Variants in SLC2A9 observed in about 807,000 individuals in gnomAD.
The protein encoded by SLC2A9 is solute carrier family 2 member 9.
In SLC2A9, 39 loss-of-function variants were observed where a neutral mutation model predicts 50.6. The ratio of observed to expected loss-of-function variants is 0.77; its 90% CI spans 0.60 to 1.01. The LOEUF (loss-of-function observed/expected upper bound fraction) is 1.01, where lower values mean the gene tolerates loss of function less well. SLC2A9 is among the 50% of genes least tolerant of loss of function. SLC2A9 has a pLI of 0.00. For missense variants in SLC2A9, 686 were observed against 677.6 expected (o/e 1.01, Z -0.14); for synonymous variants, 324 against 276.9 (o/e 1.17, Z -1.69).
At chr4:10,020,072 GT>G (rs1316478512) in intron 1 of SLC2A9, among the ~76,000 whole-genome samples, 59 of 151,062 alleles carry the variant, frequency 3.9e-4, no homozygotes, top group African/African-American at 1.4e-3. Context: ...GTGTGTGTGT[GT>G]TGTAGGCGCC....
At chr4:9,840,003 T>C (rs1577471871) in intron 10 of SLC2A9, among the ~76,000 whole-genome samples, 1 of 152,168 alleles carries the variant, frequency 6.6e-6, no homozygotes, top group Non-Finnish European at 1.5e-5. Flanking sequence ...GCACTTTACA[T>C]ATATTATCTT....
chr4:10,032,499 G>T (rs963409205), intron 1 of SLC2A9, among the ~76,000 whole-genome samples: 1 of 152,096 alleles, frequency 6.6e-6, no homozygotes, highest in Non-Finnish European at 1.5e-5. Context: ...GATCAGGGGA[G>T]CTCTTTACAA....
At chr4:10,018,846 A>T in intron 2 of SLC2A9, 129 bp downstream of exon 2, 1 of 844,928 alleles carries the variant, frequency 1.2e-6, no homozygotes, top group East Asian at 2.7e-5. Context: ...AGTGGGGGCT[A>T]ATCTCTGTCC....
At chr4:10,033,898 T>C (rs190876865) in intron 1 of SLC2A9, among the ~76,000 whole-genome samples, 3 of 152,352 alleles carry the variant, frequency 2.0e-5, no homozygotes, top group East Asian at 1.9e-4. Context: ...CCAGGGCTAA[T>C]GTCATCCCAA....
intron 3 of SLC2A9, among the ~76,000 whole-genome samples, chr4:9,994,862 T>C (rs1303263674): frequency 6.6e-6 from 1 of 150,852 alleles, no homozygotes; most frequent in Non-Finnish European, 1.5e-5. Flanking sequence ...TCCTGGGGCA[T>C]GGGGAGTGAC....
chr4:9,865,405 C>T (rs1560209277), intron 10 of SLC2A9, among the ~76,000 whole-genome samples: 1 of 152,216 alleles, frequency 6.6e-6, no homozygotes, highest in Admixed American at 6.5e-5. Context: ...ACGTGCTCAT[C>T]CTTTTGGTGG....
At chr4:9,831,261 G>C (rs1273290242) in intron 11 of SLC2A9, among the ~76,000 whole-genome samples, 1 of 152,102 alleles carries the variant, frequency 6.6e-6, no homozygotes, top group Non-Finnish European at 1.5e-5. Context: ...AGCACCTCAG[G>C]ATGTGATTAA....
intron 2 of SLC2A9, among the ~76,000 whole-genome samples, chr4:10,012,800 G>A (rs549076913): frequency 6.6e-6 from 1 of 152,276 alleles, no homozygotes; most frequent in East Asian, 1.9e-4. Context: ...TGTAAATGGA[G>A]AAGAGGGAGT....
At chr4:9,832,838 A>G (rs1464259) in intron 11 of SLC2A9, among the ~76,000 whole-genome samples, 146,294 of 152,250 alleles carry the variant, frequency 0.96, 70,449 homozygotes, top group African/African-American at 0.99. Flanking sequence ...CACAGCAAGC[A>G]TTCAGTGAAC....
At chr4:9,911,005 G>T (rs957412708) in intron 7 of SLC2A9, among the ~76,000 whole-genome samples, 1 of 151,624 alleles carries the variant, frequency 6.6e-6, no homozygotes, top group Non-Finnish European at 1.5e-5. Context: ...TTGGGGTGTG[G>T]GGGGGCTAGA....
At chr4:10,026,144 C>T (rs1177197457), upstream of SLC2A9, 1 of 631,802 alleles carries the variant, frequency 1.6e-6, no homozygotes, top group Non-Finnish European at 2.8e-6. Context: ...GACACAGCAG[C>T]ATCCTCGCTT....
At chr4:9,809,446 A>G (rs1374831304) in intron 3 of SLC2A9, among the ~76,000 whole-genome samples, 1 of 152,202 alleles carries the variant, frequency 6.6e-6, no homozygotes, top group East Asian at 1.9e-4. Flanking sequence ...TCTGTGGACC[A>G]CAGGGCGCCT....
chr4:9,829,932 A>C (rs1289926127), intron 11 of SLC2A9, among the ~76,000 whole-genome samples: 2 of 152,234 alleles, frequency 1.3e-5, no homozygotes, highest in African/African-American at 2.4e-5. Context: ...AAATTAGTTC[A>C]ATCATTGTGA....
chr4:9,772,830 T>TA (rs200751059), intron 1 of SLC2A9, among the ~76,000 whole-genome samples: 1,523 of 149,864 alleles, frequency 0.01, 20 homozygotes, highest in Middle Eastern at 0.044. Flanking sequence ...TTTTTATTTT[T>TA]TTTTTATTAT....
intron 3 of SLC2A9, among the ~76,000 whole-genome samples, chr4:9,792,163 C>CTTTT (rs34289788): frequency 0.027 from 2,049 of 76,766 alleles, 5 homozygotes; most frequent in Non-Finnish European, 0.037. Flanking sequence ...TTCTATGTTT[C>CTTTT]TTTTTTTTTT....
At chr4:9,980,271 C>G (rs78573517) in intron 5 of SLC2A9, among the ~76,000 whole-genome samples, 1 of 152,190 alleles carries the variant, frequency 6.6e-6, no homozygotes, top group African/African-American at 2.4e-5. Context: ...ATAATTCCAT[C>G]AAAGCCACAA....
intron 10 of SLC2A9, among the ~76,000 whole-genome samples, chr4:9,865,669 G>C (rs1389263838): frequency 1.3e-5 from 2 of 152,178 alleles, no homozygotes; most frequent in Non-Finnish European, 2.9e-5. Flanking sequence ...ACTTTCCAAA[G>C]ACATCACACA....
chr4:9,805,755 C>G (rs1191153469), intron 3 of SLC2A9, among the ~76,000 whole-genome samples: 1 of 149,172 alleles, frequency 6.7e-6, no homozygotes, highest in East Asian at 2.0e-4. Flanking sequence ...AGCATCCACT[C>G]TATCTTCCAT....
chr4:10,021,595 T>C (rs1379485349), upstream of SLC2A9: 3 of 995,948 alleles, frequency 3.0e-6, no homozygotes, highest in East Asian at 7.9e-5. Context: ...CATTTTTTTC[T>C]CTGCTCCTAA....
Sources: gnomAD v4.1 joint callset for allele counts (sites outside exome capture counted in the v4.1 genomes callset) on GRCh38, gnomAD v4.1.1 for gene constraint, MANE v1.5 for transcripts, NCBI Gene and HGNC (gene_info 2026-07-23, HGNC 2026-07-21) for gene names.